Variants in SPAG16 observed in about 807,000 individuals in gnomAD.
SPAG16 encodes sperm-associated antigen 16 protein.
Under a neutral mutation model 80.4 loss-of-function variants are expected in SPAG16, and 86 were observed. The ratio of observed to expected loss-of-function variants is 1.07; its 90% CI spans 0.90 to 1.28. The LOEUF is 1.28. Ranked by LOEUF, SPAG16 falls within the 50% of genes most tolerant of loss-of-function variation. The pLI is 0.00. For synonymous variants in SPAG16, 294 were observed against 265.9 expected (o/e 1.11, Z -1.03); for missense variants, 870 against 765.3 (o/e 1.14, Z -1.61).
At chr2:214,409,652 T>C (rs1291232226) in intron 15 of SPAG16, among the ~76,000 whole-genome samples, 1 of 152,208 alleles carries the variant, frequency 6.6e-6, no homozygotes. Context: ...GTATCACAAT[T>C]TTTAAAGCAG....
intron 15 of SPAG16, among the ~76,000 whole-genome samples, chr2:214,333,687 G>T (rs1016651405): frequency 1.3e-5 from 2 of 152,152 alleles, no homozygotes; most frequent in African/African-American, 4.8e-5. Context: ...ATACCACTCT[G>T]CCATCCCCAC....
At chr2:213,946,132 T>C (rs1353796559) in intron 12 of SPAG16, among the ~76,000 whole-genome samples, 1 of 152,164 alleles carries the variant, frequency 6.6e-6, no homozygotes, top group East Asian at 1.9e-4. Flanking sequence ...TTTTTTTGTG[T>C]GTGATGGAGT....
At chr2:214,049,168 A>G (rs1450413525) in intron 13 of SPAG16, among the ~76,000 whole-genome samples, 1 of 152,186 alleles carries the variant, frequency 6.6e-6, no homozygotes, top group Non-Finnish European at 1.5e-5. Context: ...GAGTTTAGAC[A>G]TTTTCAAAGG....
Position 214,149,258 on chromosome 2 carries a change from A to G in SPAG16, c.1712A>G (p.Asp571Gly). 6.4e-7 allele frequency: 1 copy of G among 1,572,130 alleles called. No individual in the cohort carries two copies. The highest frequency in any genetic ancestry group is 1.2e-5 in the South Asian group (1 of 85,460). ...GPSPGNEVNFDSSGRVLAQAS... is the reference protein window; with the variant it reads ...GPSPGNEVNFGSSGRVLAQAS... ...AGTCCTGGCAATGAGGTGAATTTTG[A>G]TTCATCAGGTAGGATCATTTTTGTC... Residue 571 changes from aspartate (D) to glycine (G), a missense_variant, in exon 15 of 16, where the codon GAT becomes GGT. Coordinates refer to ENST00000331683, the MANE Select transcript of SPAG16 (RefSeq NM_024532.5).
intron 10 of SPAG16, among the ~76,000 whole-genome samples, chr2:213,781,190 A>G (rs2069940192): frequency 6.6e-6 from 1 of 151,264 alleles, no homozygotes; most frequent in Non-Finnish European, 1.5e-5. Flanking sequence ...CATAGTTCCT[A>G]CCTCCCCTTT....
At chr2:214,037,534 A>G (rs888400120) in intron 13 of SPAG16, among the ~76,000 whole-genome samples, 5 of 152,118 alleles carry the variant, frequency 3.3e-5, no homozygotes, top group Non-Finnish European at 7.4e-5. Context: ...TATAATATCT[A>G]CCTTACTGAT....
chr2:213,488,912 A>G (rs541918937), intron 9 of SPAG16, among the ~76,000 whole-genome samples: 1 of 151,768 alleles, frequency 6.6e-6, no homozygotes, highest in African/African-American at 2.4e-5. Flanking sequence ...ACCGTCTACT[A>G]AAAATACAAA....
chr2:213,698,111 T>C (rs930348380), intron 10 of SPAG16, among the ~76,000 whole-genome samples: 3 of 152,284 alleles, frequency 2.0e-5, no homozygotes, highest in African/African-American at 7.2e-5. Context: ...TTCCCCATTC[T>C]GGTGATATTC....
At chr2:214,236,244 T>G (rs1270979054) in intron 15 of SPAG16, among the ~76,000 whole-genome samples, 4 of 152,198 alleles carry the variant, frequency 2.6e-5, no homozygotes. Context: ...GTGCCAGGCA[T>G]AGCTATAGAT....
chr2:213,386,236 G>A (rs2067422958), intron 9 of SPAG16, among the ~76,000 whole-genome samples: 1 of 152,012 alleles, frequency 6.6e-6, no homozygotes, highest in South Asian at 2.1e-4. Context: ...CTAGGAGTGG[G>A]GCATGGGTTC....
intron 12 of SPAG16, among the ~76,000 whole-genome samples, chr2:213,970,374 T>C (rs1443573742): frequency 6.6e-6 from 1 of 152,112 alleles, no homozygotes; most frequent in Admixed American, 6.5e-5. Flanking sequence ...TGGCACAATC[T>C]TGCTGCAACG....
chr2:214,010,323 C>A (rs956973302), intron 12 of SPAG16, among the ~76,000 whole-genome samples: 2 of 144,558 alleles, frequency 1.4e-5, no homozygotes, highest in Admixed American at 6.7e-5. Flanking sequence ...AACGTAAAGG[C>A]AAATTAGACA....
At chr2:213,292,148 T>A (rs1217709719) in intron 1 of SPAG16, among the ~76,000 whole-genome samples, 1 of 152,214 alleles carries the variant, frequency 6.6e-6, no homozygotes, top group Non-Finnish European at 1.5e-5. Flanking sequence ...TTGGCTTATT[T>A]ACAACTTTAA....
At chr2:213,942,256 C>G (rs1510546) in intron 12 of SPAG16, among the ~76,000 whole-genome samples, 49,845 of 151,952 alleles carry the variant, frequency 0.33, 8,915 homozygotes, top group South Asian at 0.47. Context: ...TCAGGCTGAC[C>G]TGTTTCATTT....
intron 11 of SPAG16, among the ~76,000 whole-genome samples, chr2:213,870,648 A>AT (rs2075911047): frequency 6.6e-6 from 1 of 151,926 alleles, no homozygotes; most frequent in African/African-American, 2.4e-5. Flanking sequence ...TCCACGAGAA[A>AT]ATATATATAA....
chr2:214,313,725 T>C (rs1382177533), intron 15 of SPAG16, among the ~76,000 whole-genome samples: 1 of 152,142 alleles, frequency 6.6e-6, no homozygotes, highest in African/African-American at 2.4e-5. Flanking sequence ...TTCTTTGGTT[T>C]TATTTCCAAA....
intron 12 of SPAG16, among the ~76,000 whole-genome samples, chr2:214,010,549 A>G (rs956832875): frequency 1.4e-5 from 2 of 146,654 alleles, no homozygotes; most frequent in African/African-American, 5.3e-5. Context: ...ACGAACCCCA[A>G]AGAAGGTTGG....
At chr2:214,273,432 AT>A (rs1215931755) in intron 15 of SPAG16, among the ~76,000 whole-genome samples, 4 of 152,160 alleles carry the variant, frequency 2.6e-5, no homozygotes, top group African/African-American at 9.7e-5. Context: ...TAGGTCTAAC[AT>A]TTAAGTCTTT....
chr2:213,606,321 T>C (rs543362430), intron 10 of SPAG16, among the ~76,000 whole-genome samples: 15 of 152,304 alleles, frequency 9.8e-5, no homozygotes, highest in African/African-American at 3.6e-4. Context: ...TCAGGCATAT[T>C]ATATATTACA....
Sources: gnomAD v4.1 joint callset for allele counts (sites outside exome capture counted in the v4.1 genomes callset) on GRCh38, gnomAD v4.1.1 for gene constraint, MANE v1.5 for transcripts, NCBI Gene and HGNC (gene_info 2026-07-23, HGNC 2026-07-21) for gene names.